Variants in RPTOR observed in about 807,000 individuals in gnomAD.
The protein encoded by RPTOR is regulatory-associated protein of mTOR.
In RPTOR, 21 loss-of-function variants were observed where a neutral mutation model predicts 169.9. The observed-to-expected ratio is 0.12, with a 90% CI of 0.09 to 0.18. The LOEUF is 0.18. Ranked by LOEUF, RPTOR falls within the 10% of genes least tolerant of loss-of-function variation. The probability of loss-of-function intolerance (pLI) is 1.00; values close to 1 mark genes in which losing one functional copy is unlikely to be tolerated. For synonymous variants in RPTOR, 732 were observed against 753.2 expected (o/e 0.97, Z 0.46); for missense variants, 1,133 against 1,855.9 (o/e 0.61, Z 7.16).
chr17:80,748,710 TGGGTGGATGGAG>T (rs2066602818), intron 5 of RPTOR, among the ~76,000 whole-genome samples: 1 of 69,334 alleles, frequency 1.4e-5, no homozygotes, highest in Non-Finnish European at 2.7e-5. Flanking sequence ...GAGGACCTGT[TGGGTGGATGGAG>T]GGGCTGCGGT....
intron 13 of RPTOR, among the ~76,000 whole-genome samples, chr17:80,867,005 A>G (rs1393331568): frequency 6.6e-6 from 1 of 152,202 alleles, no homozygotes; most frequent in Non-Finnish European, 1.5e-5. Flanking sequence ...ACCTTCCCAT[A>G]TTGTTCTATG....
chr17:80,636,887 A>G (rs1400368806), intron 2 of RPTOR, among the ~76,000 whole-genome samples: 1 of 152,148 alleles, frequency 6.6e-6, no homozygotes, highest in Non-Finnish European at 1.5e-5. Context: ...TGCAGTGAAC[A>G]CACCTCACTG....
chr17:80,791,339 C>T, intron 6 of RPTOR, 111 bp from the exon 7 acceptor site: 1 of 807,960 alleles, frequency 1.2e-6, no homozygotes, highest in Non-Finnish European at 2.0e-6. Context: ...TACTTGTTCA[C>T]CGTGGTAGTC....
intron 20 of RPTOR, among the ~76,000 whole-genome samples, chr17:80,904,041 A>G (rs2068509731): frequency 6.6e-6 from 1 of 152,234 alleles, no homozygotes; most frequent in South Asian, 2.1e-4. Flanking sequence ...AGGGGTACTG[A>G]ATATGCTGAG....
In RPTOR at chr17:80,549,332, C is replaced by T. The variant is rs536805710; in HGVS notation, c.162+3541C>T. ...TAGTTCAAAATGAATCATTCACAGA[C>T]CTTTGGCTAAAACAGATACGTATAT... On this transcript the variant is annotated intron_variant, in intron 1 of 33. Transcript: ENST00000306801. Among the ~76,000 whole-genome samples the T allele has an allele frequency of 3.3e-5, 5 of 152,248 alleles. No individual in the cohort carries two copies. In the South Asian group the frequency reaches 1.0e-3, roughly 32 times the overall value.
chr17:80,551,670 C>T (rs1225008345), intron 1 of RPTOR, among the ~76,000 whole-genome samples: 6 of 152,118 alleles, frequency 3.9e-5, no homozygotes, highest in African/African-American at 9.7e-5. Context: ...TGCCCAGGGA[C>T]GGGCAGGAGA....
At chr17:80,941,575 C>A (rs184103681) in intron 25 of RPTOR, among the ~76,000 whole-genome samples, 2 of 152,376 alleles carry the variant, frequency 1.3e-5, no homozygotes, top group Admixed American at 1.3e-4. Flanking sequence ...CCAGCTCTGG[C>A]TGGGGGACCT....
At chr17:80,898,849 G>A (rs547977297) in intron 20 of RPTOR, among the ~76,000 whole-genome samples, 1 of 151,878 alleles carries the variant, frequency 6.6e-6, no homozygotes, top group South Asian at 2.1e-4. Context: ...GGTTCCTGGG[G>A]ATGGCGGTCC....
chr17:80,575,717 A>G (rs1009869300), intron 1 of RPTOR, among the ~76,000 whole-genome samples: 24 of 152,346 alleles, frequency 1.6e-4, no homozygotes, highest in Non-Finnish European at 2.9e-4. Context: ...ATACGTGTCC[A>G]TTAAGTCAAA....
chr17:80,879,645 G>A (rs928374617), intron 13 of RPTOR, among the ~76,000 whole-genome samples: 2 of 152,210 alleles, frequency 1.3e-5, no homozygotes, highest in Non-Finnish European at 2.9e-5. Flanking sequence ...GGAACTGTGA[G>A]CAGGGCACAA....
chr17:80,703,659 G>A (rs2066119879), intron 3 of RPTOR, among the ~76,000 whole-genome samples: 1 of 152,148 alleles, frequency 6.6e-6, no homozygotes, highest in African/African-American at 2.4e-5. Flanking sequence ...AAGCATCCCT[G>A]GAGGTAGGAA....
At chr17:80,757,114 G>A (rs971784634) in intron 6 of RPTOR, among the ~76,000 whole-genome samples, 1 of 152,172 alleles carries the variant, frequency 6.6e-6, no homozygotes, top group Non-Finnish European at 1.5e-5. Flanking sequence ...GAAAAGCCAG[G>A]AGATGCAGAG....
At chr17:80,869,677 G>A (rs1434423799) in intron 13 of RPTOR, among the ~76,000 whole-genome samples, 2 of 152,150 alleles carry the variant, frequency 1.3e-5, no homozygotes, top group Admixed American at 1.3e-4. Context: ...GTGTCAGGAG[G>A]GAGGACTGTG....
chr17:80,859,607 G>C (rs1040172037), intron 13 of RPTOR, among the ~76,000 whole-genome samples: 5 of 152,190 alleles, frequency 3.3e-5, no homozygotes, highest in African/African-American at 4.8e-5. Context: ...TCAGGGCAAG[G>C]CTGGCTTTGC....
At chr17:80,834,959 C>A (rs2067547909) in intron 9 of RPTOR, among the ~76,000 whole-genome samples, 1 of 152,200 alleles carries the variant, frequency 6.6e-6, no homozygotes, top group Non-Finnish European at 1.5e-5. Flanking sequence ...TTCGAGGAAT[C>A]TTTATAGAGT....
chr17:80,856,979 G>A (rs1435923772), intron 12 of RPTOR, among the ~76,000 whole-genome samples: 2 of 152,160 alleles, frequency 1.3e-5, no homozygotes, highest in East Asian at 3.8e-4. Flanking sequence ...ACAGGGAAGG[G>A]ACCCAGGCCT....
chr17:80,572,371 C>A (rs181012961), intron 1 of RPTOR, among the ~76,000 whole-genome samples: 200 of 152,100 alleles, frequency 1.3e-3, no homozygotes, highest in African/African-American at 4.4e-3. Flanking sequence ...TACACCTAAG[C>A]AGGCATAGGA....
chr17:80,569,849 G>C (rs1365269594), intron 1 of RPTOR, among the ~76,000 whole-genome samples: 2 of 152,162 alleles, frequency 1.3e-5, no homozygotes, highest in Non-Finnish European at 2.9e-5. Flanking sequence ...GTCTCCGTGA[G>C]GGTCGTGGGT....
At chr17:80,622,710 T>G (rs1434678414) in intron 1 of RPTOR, among the ~76,000 whole-genome samples, 2 of 152,156 alleles carry the variant, frequency 1.3e-5, no homozygotes, top group African/African-American at 4.8e-5. Context: ...GAGACCATCC[T>G]GGGCAACATG....
Sources: gnomAD v4.1 joint callset for allele counts (sites outside exome capture counted in the v4.1 genomes callset) on GRCh38, gnomAD v4.1.1 for gene constraint, MANE v1.5 for transcripts, NCBI Gene and HGNC (gene_info 2026-07-23, HGNC 2026-07-21) for gene names.